The following KYNU variants were observed in gnomAD, a reference collection of about 807,000 sequenced individuals.
KYNU encodes kynureninase, also known as L-kynurenine hydrolase.
A neutral mutation model predicts 59.2 loss-of-function variants in KYNU; 54 were observed. The observed-to-expected ratio is 0.91, with a 90% CI of 0.73 to 1.14. The LOEUF (loss-of-function observed/expected upper bound fraction) is 1.14. Among genes scored for constraint, KYNU ranks in the 50% most tolerant of loss-of-function variants. The pLI is 0.00. For synonymous variants in KYNU, 177 were observed against 192.0 expected, an observed-to-expected ratio of 0.92 and a Z score of 0.65; for missense variants, 567 against 554.4, an observed-to-expected ratio of 1.02 and a Z score of -0.23.
chr2:142,956,325 A>T (rs1443669404), intron 6 of KYNU, 51 bp downstream of exon 6: 1 of 1,178,522 alleles, frequency 8.5e-7, no homozygotes, highest in African/African-American at 1.5e-5. Flanking sequence ...TTCCTAGAGC[A>T]GTGTATCATT....
chr2:142,918,814 T>G, intron 3 of KYNU, 85 bp downstream of exon 3: 4 of 1,439,584 alleles, frequency 2.8e-6, no homozygotes, highest in Non-Finnish European at 2.9e-6. Flanking sequence ...TTTGGAAAGA[T>G]GTGTAATAGA....
chr2:142,945,545 T>A (rs968585000), intron 4 of KYNU, among the ~76,000 whole-genome samples: 38 of 152,152 alleles, frequency 2.5e-4, no homozygotes, highest in Non-Finnish European at 3.2e-4. Flanking sequence ...CAGTCATCCA[T>A]GAGGGTTGGA....
At chr2:142,928,251 G>C (rs112270348) in intron 4 of KYNU, among the ~76,000 whole-genome samples, 2,709 of 152,218 alleles carry the variant, frequency 0.018, 65 homozygotes, top group African/African-American at 0.063. Context: ...ATCCTAAAGA[G>C]AGTTATATAT....
At chr2:142,904,763 T>A (rs1682226072) in intron 2 of KYNU, among the ~76,000 whole-genome samples, 1 of 152,204 alleles carries the variant, frequency 6.6e-6, no homozygotes, top group South Asian at 2.1e-4. Context: ...AGTTCTACAG[T>A]GTTCTCTATG....
At position 143,025,916 on chromosome 2, in the gene KYNU, AAATT is replaced by A. The variant is rs569648370; in HGVS notation, c.903-3707_903-3704del. Among the ~76,000 whole-genome samples the A allele has an allele frequency of 2.5e-3, 381 of 152,348 alleles. 1 individual carries two copies. The highest frequency in any genetic ancestry group is 4.3e-3 in the Non-Finnish European group (293 of 68,018). On this transcript the variant is annotated intron_variant, in intron 10 of 13. Coordinates refer to ENST00000264170, the MANE Select transcript of KYNU (RefSeq NM_003937.3). ...ATATTTTTAAGTGATGGATTTTAAA[AAATT>A]AATCATTTGCATAATTAATCAGACT... is the stretch of plus-strand genomic sequence containing the variant.
At chr2:143,001,793 A>G (rs1558968954) in intron 10 of KYNU, among the ~76,000 whole-genome samples, 1 of 152,224 alleles carries the variant, frequency 6.6e-6, no homozygotes, top group Non-Finnish European at 1.5e-5. Flanking sequence ...CTAAAATGGT[A>G]GAAAGAATAT....
chr2:143,036,234 C>A (rs1474628226), intron 12 of KYNU, among the ~76,000 whole-genome samples: 1 of 151,998 alleles, frequency 6.6e-6, no homozygotes, highest in Non-Finnish European at 1.5e-5. Context: ...GCCATTTTTA[C>A]TTCCTGCAGA....
chr2:142,947,425 C>T (rs929649133), intron 4 of KYNU: 53 of 540,198 alleles, frequency 9.8e-5, no homozygotes, highest in Admixed American at 1.3e-4. Flanking sequence ...TCCCAAACAG[C>T]GCTTCCCTGG....
intron 3 of KYNU, among the ~76,000 whole-genome samples, chr2:142,925,172 T>TA (rs1417209800): frequency 6.6e-6 from 1 of 152,098 alleles, no homozygotes; most frequent in Non-Finnish European, 1.5e-5. Context: ...GTGATGAAAA[T>TA]AAAAAAGGAT....
intron 8 of KYNU, among the ~76,000 whole-genome samples, chr2:142,983,358 T>C (rs573183864): frequency 4.6e-5 from 7 of 152,190 alleles, no homozygotes; most frequent in African/African-American, 1.7e-4. Context: ...TTATTACATG[T>C]GCTAACATTC....
intron 4 of KYNU, among the ~76,000 whole-genome samples, chr2:142,940,119 T>C (rs1038586723): frequency 1.3e-5 from 2 of 151,816 alleles, no homozygotes; most frequent in Non-Finnish European, 2.9e-5. Context: ...GAAATATTTG[T>C]GTAATAAATC....
At chr2:143,017,110 C>T (rs1282436491) in intron 10 of KYNU, among the ~76,000 whole-genome samples, 2 of 152,126 alleles carry the variant, frequency 1.3e-5, no homozygotes, top group Non-Finnish European at 2.9e-5. Context: ...TATAGTATTC[C>T]ATTGTGTATA....
intron 11 of KYNU, among the ~76,000 whole-genome samples, chr2:143,030,840 A>G (rs1686719151): frequency 6.6e-6 from 1 of 152,194 alleles, no homozygotes; most frequent in African/African-American, 2.4e-5. Flanking sequence ...ATAGAACATC[A>G]TAGCTTAGCC....
chr2:142,998,408 C>A (rs1262594124), intron 10 of KYNU, among the ~76,000 whole-genome samples: 1 of 152,158 alleles, frequency 6.6e-6, no homozygotes, highest in Non-Finnish European at 1.5e-5. Context: ...TTCCTACATT[C>A]CAAGTGATGG....
intron 2 of KYNU, among the ~76,000 whole-genome samples, chr2:142,904,118 A>C (rs1173026534): frequency 1.3e-5 from 2 of 152,210 alleles, no homozygotes; most frequent in Non-Finnish European, 2.9e-5. Context: ...CTGAGTGATA[A>C]ACTTAACCTT....
At chr2:142,888,361 A>G (rs1681587131) in intron 2 of KYNU, among the ~76,000 whole-genome samples, 1 of 152,130 alleles carries the variant, frequency 6.6e-6, no homozygotes, top group African/African-American at 2.4e-5. Context: ...TGGAGGCTGA[A>G]GTGGGAGGAT....
chr2:142,988,763 G>C, intron 10 of KYNU: 1 of 946,788 alleles, frequency 1.1e-6, no homozygotes, highest in Middle Eastern at 2.2e-4. Flanking sequence ...TGATGTCAGT[G>C]ACTGATCTCA....
rs537983213 is a variant in KYNU at position 142,985,189 on chromosome 2, A to G, written c.828+7A>G. The G allele has an allele frequency of 6.6e-7, 1 of 1,503,968 alleles. No homozygotes were observed. Among genetic ancestry groups the G allele is most frequent in the South Asian group, 1.1e-5 (1 of 88,948 alleles). 93.2% of individuals were successfully genotyped at this position (1,503,968 alleles called of 1,614,324 possible). On this transcript the variant is annotated splice_region_variant and intron_variant, in intron 9 of 13. Coordinates refer to ENST00000264170, the MANE Select transcript of KYNU (RefSeq NM_003937.3). Reference sequence around the variant, plus strand: ...CTGCTGGTGTTCCTACAAGGTACAAACGAGTTAATACATTTACATCCCTTT... The same window carrying G: ...CTGCTGGTGTTCCTACAAGGTACAAGCGAGTTAATACATTTACATCCCTTT...
At chr2:142,996,815 A>G (rs1685560076) in intron 10 of KYNU, among the ~76,000 whole-genome samples, 1 of 152,150 alleles carries the variant, frequency 6.6e-6, no homozygotes, top group South Asian at 2.1e-4. Flanking sequence ...ACCTCTCATT[A>G]AGTCTTGGTT....
Sources: gnomAD v4.1 joint callset for allele counts (sites outside exome capture counted in the v4.1 genomes callset) on GRCh38, gnomAD v4.1.1 for gene constraint, MANE v1.5 for transcripts, NCBI Gene and HGNC (gene_info 2026-07-23, HGNC 2026-07-21) for gene names.